Variants in ATP5F1A observed in about 807,000 individuals in gnomAD.
The protein encoded by ATP5F1A is ATP synthase F(1) complex subunit alpha, mitochondrial.
ATP5F1A carries 24 observed loss-of-function variants against 57.4 expected under a neutral mutation model. That is an observed-to-expected ratio of 0.42 (90% confidence interval 0.30 to 0.59). The LOEUF is 0.59. Ranked by LOEUF, ATP5F1A falls within the 20% of genes least tolerant of loss-of-function variation. The probability of loss-of-function intolerance (pLI) is 0.19; values close to 1 mark genes in which losing one functional copy is unlikely to be tolerated. For synonymous variants in ATP5F1A, 251 were observed against 255.5 expected, an observed-to-expected ratio of 0.98 and a Z score of 0.17; for missense variants, 494 against 707.9, an observed-to-expected ratio of 0.70 and a Z score of 3.43.
At chr18:46,097,915 C>A in intron 1 of ATP5F1A, 1 of 1,243,942 alleles carries the variant, frequency 8.0e-7, no homozygotes, top group Non-Finnish European at 1.0e-6. Flanking sequence ...CCGCTGTCAG[C>A]CGAAGACAGG....
chr18:46,086,817 A>G (rs1910133586), intron 8 of ATP5F1A, 191 bp downstream of exon 8: 2 of 652,660 alleles, frequency 3.1e-6, no homozygotes, highest in African/African-American at 1.8e-5. Context: ...ATGCTACTCT[A>G]TGCAATAACT....
chr18:46,094,434 C>T (rs1342310025), intron 2 of ATP5F1A, among the ~76,000 whole-genome samples: 1 of 151,912 alleles, frequency 6.6e-6, no homozygotes, highest in Admixed American at 6.6e-5. Context: ...TTTGGGAGGC[C>T]GAGGCAGGCA....
At chr18:46,085,945 AAAATC>A in intron 10 of ATP5F1A, 163 bp downstream of exon 10, 12 of 832,600 alleles carry the variant, frequency 1.4e-5, no homozygotes, top group Non-Finnish European at 2.1e-5. Flanking sequence ...AAAAAAAAAA[AAAATC>A]AAAAATCAAA....
chr18:46,102,526 G>A (rs1309584191), upstream of ATP5F1A, among the ~76,000 whole-genome samples: 2 of 152,120 alleles, frequency 1.3e-5, no homozygotes, highest in African/African-American at 4.8e-5. Context: ...GTTTTGCCAT[G>A]TTGGTCAGGC....
In ATP5F1A at chr18:46,087,354, T is replaced by C; in HGVS notation, c.938A>G (p.Asp313Gly). ...NGKHALIIYD[D>G]LSKQAVAYRQ... ...ATTTCCTTTGACCTGTTTGGATAAGTCGTCATAGATGATCAAAGCATGTTT... is the reference window on the plus strand; with the variant it reads ...ATTTCCTTTGACCTGTTTGGATAAGCCGTCATAGATGATCAAAGCATGTTT... Residue 313 changes from aspartate to glycine, a missense_variant, in exon 7 of 12, where the codon GAC becomes GGC. Asp to Gly is a moderately conservative substitution (Grantham distance 94). Coordinates refer to ENST00000398752, the MANE Select transcript of ATP5F1A (RefSeq NM_004046.6). 4 of 1,614,122 alleles carry C rather than the reference T, an allele frequency of 2.5e-6. No individual in the cohort carries two copies. Among genetic ancestry groups the C allele is most frequent in the Non-Finnish European group, 3.4e-6 (4 of 1,180,022 alleles).
intron 2 of ATP5F1A, 47 bp downstream of exon 2, chr18:46,095,006 T>C (rs747519031): frequency 1.9e-6 from 3 of 1,548,614 alleles, no homozygotes; most frequent in South Asian, 2.5e-5. Context: ...ATGTAATTTA[T>C]ATCTTCATCT....
At chr18:46,096,979 T>A (rs1295969876) in intron 1 of ATP5F1A, among the ~76,000 whole-genome samples, 6 of 65,986 alleles carry the variant, frequency 9.1e-5, no homozygotes, top group South Asian at 5.7e-4. Flanking sequence ...CGAGACACCA[T>A]CTCAAAAAAA....
intron 1 of ATP5F1A, among the ~76,000 whole-genome samples, chr18:46,096,434 A>AG (rs1910958983): frequency 1.5e-5 from 2 of 132,968 alleles, no homozygotes. Flanking sequence ...TGGGAGGCAG[A>AG]GGTTGTGGTG....
chr18:46,090,336 G>A (rs1910469412), intron 3 of ATP5F1A, among the ~76,000 whole-genome samples: 1 of 152,136 alleles, frequency 6.6e-6, no homozygotes, highest in Non-Finnish European at 1.5e-5. Flanking sequence ...TGGGTGATCA[G>A]TATGAAATAA....
chr18:46,090,093 G>GGGGGGGGGC, intron 3 of ATP5F1A, 97 bp from the exon 4 acceptor site: 2 of 414,300 alleles, frequency 4.8e-6, no homozygotes, highest in Non-Finnish European at 8.6e-6. Context: ...GGTGGGGGGG[G>GGGGGGGGGC]AAGCAGTATT....
At position 46,086,154 on chromosome 18, in the gene ATP5F1A, C is replaced by T. The variant is rs770585609; in HGVS notation, c.1388G>A (p.Arg463His). ...CAGCAACTCAGTTAGACGCACGCCA[C>T]GACTCAAAAGTTGTTGAGTGGCAGC... Reference protein sequence around the residue: ...LDAATQQLLSRGVRLTELLKQ... With the variant: ...LDAATQQLLSHGVRLTELLKQ... Residue 463 changes from arginine to histidine, a missense_variant, in exon 10 of 12, where the codon CGT (arginine) becomes CAT (histidine). Physicochemically the swap from Arg to His is conservative, Grantham distance 29. Transcript: ENST00000398752. 3.7e-6 allele frequency: 6 copies of T among 1,612,178 alleles called. No homozygotes were observed. The East Asian group carries it at 6.7e-5, about 18-fold the overall frequency.
chr18:46,085,847 C>T (rs965705925), intron 10 of ATP5F1A: 4 of 392,476 alleles, frequency 1.0e-5, no homozygotes, highest in Non-Finnish European at 1.8e-5. Flanking sequence ...GCAGGAGAAT[C>T]GCGTGAATCC....
At chr18:46,093,787 G>A (rs1453340189) in intron 2 of ATP5F1A, among the ~76,000 whole-genome samples, 1 of 151,912 alleles carries the variant, frequency 6.6e-6, no homozygotes, top group African/African-American at 2.4e-5. Context: ...TGGCGCAACT[G>A]CACTCCAGCT....
intron 1 of ATP5F1A, 28 bp from the exon 2 acceptor site, chr18:46,095,159 G>C: frequency 6.2e-7 from 1 of 1,604,416 alleles, no homozygotes; most frequent in Non-Finnish European, 8.5e-7. Context: ...TTAAAAATTT[G>C]ATTTTTAACA....
chr18:46,098,355 C>A (rs1374367033), upstream of ATP5F1A: 333 of 1,335,920 alleles, frequency 2.5e-4, no homozygotes, highest in Non-Finnish European at 3.0e-4. Flanking sequence ...TACTGCCCCT[C>A]GCGTTCACCA....
chr18:46,095,282 G>A, intron 1 of ATP5F1A, 151 bp from the exon 2 acceptor site: 2 of 685,990 alleles, frequency 2.9e-6, no homozygotes, highest in Non-Finnish European at 4.8e-6. Flanking sequence ...AAATGGGAAA[G>A]TAGCTTTTGA....
intron 1 of ATP5F1A, chr18:46,097,902 G>A (rs1371517264): frequency 3.2e-6 from 4 of 1,234,782 alleles, no homozygotes; most frequent in Non-Finnish European, 4.1e-6. Flanking sequence ...CCCCCTTCTA[G>A]GGCCGCTGTC....
chr18:46,088,802 C>G (rs1157907314), intron 5 of ATP5F1A: 2 of 152,064 alleles, frequency 1.3e-5, no homozygotes, highest in Admixed American at 1.3e-4. Flanking sequence ...ATGAAGGCAT[C>G]TGTCTCCTGC....
At chr18:46,100,022 G>A (rs1456943790), upstream of ATP5F1A, among the ~76,000 whole-genome samples, 1 of 151,780 alleles carries the variant, frequency 6.6e-6, no homozygotes, top group Non-Finnish European at 1.5e-5. Flanking sequence ...AGGCTGAGGC[G>A]GGTGGATCAC....
Sources: allele counts gnomAD v4.1 joint callset (sites outside exome capture counted in the v4.1 genomes callset), GRCh38; gene constraint gnomAD v4.1.1; transcripts MANE v1.5; gene names NCBI Gene and HGNC (gene_info 2026-07-23, HGNC 2026-07-21).